PRKN: variants seen among roughly 807,000 people sequenced by gnomAD.
PRKN encodes parkin RBR E3 ubiquitin protein ligase.
In PRKN, 56 loss-of-function variants were observed where a neutral mutation model predicts 59.5. The ratio of observed to expected loss-of-function variants is 0.94; its 90% CI spans 0.76 to 1.18. The LOEUF (loss-of-function observed/expected upper bound fraction) is 1.18, where lower values mean the gene tolerates loss of function less well. PRKN is among the 50% of genes most tolerant of loss of function. The pLI, the probability that PRKN is intolerant of heterozygous loss-of-function variation, is 0.00. For synonymous variants in PRKN, 250 were observed against 222.1 expected (o/e 1.13, Z -1.12); for missense variants, 657 against 596.4 (o/e 1.10, Z -1.06).
At chr6:162,256,830 T>C (rs1408433419) in intron 3 of PRKN, among the ~76,000 whole-genome samples, 1 of 152,172 alleles carries the variant, frequency 6.6e-6, no homozygotes, top group East Asian at 1.9e-4. Context: ...AATCACAATA[T>C]GACCTTGCAG....
chr6:161,382,111 CAAAAAAA>C lies in PRKN; in HGVS notation c.1167+4676_1167+4682del, dbSNP rs59174358. On this transcript the variant is annotated intron_variant, in intron 10 of 11. Transcript: ENST00000366898. ...TGGGTGAAAGAGCGAGACTCCATCTCAAAAAAAAAAAAAAAAAAAAAATCAAAACAAA... is the reference window on the plus strand; with the variant it reads ...TGGGTGAAAGAGCGAGACTCCATCTCAAAAAAAAAAAAAAATCAAAACAAA... Among the ~76,000 whole-genome samples the C allele has an allele frequency of 1.7e-3, 78 of 46,284 alleles. 1 individual carries two copies. The highest frequency in any genetic ancestry group is 4.9e-3 in the African/African-American group (72 of 14,656). 30.4% of individuals were successfully genotyped at this position (46,284 alleles called of 152,430 possible).
intron 1 of PRKN, among the ~76,000 whole-genome samples, chr6:162,505,088 G>A (rs1793550343): frequency 6.6e-6 from 1 of 152,178 alleles, no homozygotes; most frequent in Admixed American, 6.5e-5. Context: ...TAAACTGCCA[G>A]TGGCCACGTA....
intron 7 of PRKN, among the ~76,000 whole-genome samples, chr6:161,715,239 A>G (rs1786924488): frequency 6.6e-6 from 1 of 152,220 alleles, no homozygotes; most frequent in South Asian, 2.1e-4. Context: ...ACAGAACCCA[A>G]TGTAGCAGAT....
Position 161,487,566 on chromosome 6 carries a change from G to T in PRKN, c.1083+61288C>A, listed in dbSNP as rs1344861328. Among the ~76,000 whole-genome samples the T allele has an allele frequency of 6.6e-6, 1 of 152,184 alleles. No individual in the cohort carries two copies. The highest frequency in any genetic ancestry group is 2.4e-5 in the African/African-American group (1 of 41,448). On this transcript the variant is annotated intron_variant, in intron 9 of 11. Transcript: ENST00000366898. The surrounding 1 kb of genome is among the most constrained non-coding windows in gnomAD (Gnocchi z 5.3). ...AGACCATCTTATTCACATTTTGATGGTCGCTTAGGTAAACTAAGATCTATT... is the reference window on the plus strand; with the variant it reads ...AGACCATCTTATTCACATTTTGATGTTCGCTTAGGTAAACTAAGATCTATT...
At chr6:162,621,918 G>T (rs1307224866) in intron 1 of PRKN, among the ~76,000 whole-genome samples, 1 of 152,080 alleles carries the variant, frequency 6.6e-6, no homozygotes, top group Non-Finnish European at 1.5e-5. Flanking sequence ...GGGTTCAATT[G>T]ATTCTCCTGT....
At chr6:161,957,579 C>T (rs1780228733) in intron 6 of PRKN, among the ~76,000 whole-genome samples, 1 of 152,014 alleles carries the variant, frequency 6.6e-6, no homozygotes, top group South Asian at 2.1e-4. Context: ...TGTGCGCCAC[C>T]ACGCTCAGCT....
At chr6:162,658,552 T>C (rs1778745928) in intron 1 of PRKN, among the ~76,000 whole-genome samples, 1 of 149,752 alleles carries the variant, frequency 6.7e-6, no homozygotes, top group Non-Finnish European at 1.5e-5. Flanking sequence ...TCCCAGCTAC[T>C]AGGGAGGCTG....
Position 161,405,726 on chromosome 6 carries a change from T to C in PRKN, c.1084-18849A>G, listed in dbSNP as rs1787239361. Among the ~76,000 whole-genome samples, 1 of 152,112 alleles carries C rather than the reference T, an allele frequency of 6.6e-6. No individual in the cohort carries two copies. ...AGGGAAACTGAGGGTCCATGAGTGC[T>C]CACAGCCAGGCAGGCTCGTGTTCCA... On this transcript the variant is annotated intron_variant, in intron 9 of 11. Coordinates refer to ENST00000366898, the MANE Select transcript of PRKN (RefSeq NM_004562.3). The surrounding 1 kb of genome is among the most constrained non-coding windows in gnomAD (Gnocchi z 5.1).
chr6:162,296,861 C>A (rs1781698285), intron 2 of PRKN, among the ~76,000 whole-genome samples: 1 of 152,106 alleles, frequency 6.6e-6, no homozygotes, highest in Non-Finnish European at 1.5e-5. Context: ...TAGAAAAAAG[C>A]ATCGTTTCCA....
intron 6 of PRKN, among the ~76,000 whole-genome samples, chr6:161,906,671 T>TATATATATATATATATATATATAC (rs1778158834): frequency 8.6e-6 from 1 of 116,672 alleles, no homozygotes. Flanking sequence ...TATATATATA[T>TATATATATATATATATATATATAC]ATATGTATAT....
chr6:162,576,717 C>G (rs1780572272), intron 1 of PRKN, among the ~76,000 whole-genome samples: 1 of 143,698 alleles, frequency 7.0e-6, no homozygotes, highest in African/African-American at 2.6e-5. Flanking sequence ...GAGGCTGAGG[C>G]AGGATAATTA....
At chr6:161,943,108 A>G (rs985655921) in intron 6 of PRKN, among the ~76,000 whole-genome samples, 9 of 152,252 alleles carry the variant, frequency 5.9e-5, no homozygotes, top group African/African-American at 1.9e-4. Context: ...GTCTTAATTT[A>G]GTTTTAAGAT....
intron 4 of PRKN, among the ~76,000 whole-genome samples, chr6:162,179,749 T>C (rs932657193): frequency 1.3e-5 from 2 of 152,132 alleles, no homozygotes; most frequent in African/African-American, 4.8e-5. Context: ...TCCCTAGAGT[T>C]GCCACTGGCT....
In PRKN at chr6:161,552,333, T is replaced by A. The variant is rs187000583; in HGVS notation, c.934-3330A>T. Among the ~76,000 whole-genome samples, 1 of 145,896 alleles carries A rather than the reference T, an allele frequency of 6.9e-6. No homozygotes were observed. Among genetic ancestry groups the A allele is most frequent in the African/African-American group, 2.7e-5 (1 of 36,898 alleles). ...CCTCAGCTCTGTTCACCTCCGCCTA[T>A]GACTGTGAATGATCTCACGGTGATC... On this transcript the variant is annotated intron_variant, in intron 8 of 11. Transcript: ENST00000366898. The surrounding 1 kb of genome is among the most constrained non-coding windows in gnomAD (Gnocchi z 4.9).
chr6:162,351,140 A>G (rs1784607747), intron 2 of PRKN, among the ~76,000 whole-genome samples: 2 of 152,178 alleles, frequency 1.3e-5, no homozygotes, highest in African/African-American at 4.8e-5. Context: ...GCAGTGATCC[A>G]TGATCCTGCC....
chr6:161,900,396 T>C (rs1777843841), intron 6 of PRKN, among the ~76,000 whole-genome samples: 1 of 147,372 alleles, frequency 6.8e-6, no homozygotes, highest in Non-Finnish European at 1.5e-5. Flanking sequence ...TGCCACTGAG[T>C]GTGGGATCAA....
chr6:162,158,998 T>C (rs1374258961), intron 4 of PRKN, among the ~76,000 whole-genome samples: 1 of 151,976 alleles, frequency 6.6e-6, no homozygotes, highest in South Asian at 2.1e-4. Context: ...TTCAGGGCCA[T>C]CCACATAACG....
chr6:162,178,896 G>C lies in PRKN; in HGVS notation c.534+22235C>G, dbSNP rs112596161. 1.7e-3 allele frequency among the ~76,000 whole-genome samples: 252 copies of C among 152,080 alleles called. 1 individual carries two copies. Among genetic ancestry groups the C allele is most frequent in the African/African-American group, 5.9e-3 (246 of 41,468 alleles). On this transcript the variant is annotated intron_variant, in intron 4 of 11. Transcript: ENST00000366898. Reference sequence around the variant, plus strand: ...GTTTGCTTGTTTGTTTTGAGTCAAGGGCTCTCCGTCTGTCACTGAGGCTGA... The same window carrying C: ...GTTTGCTTGTTTGTTTTGAGTCAAGCGCTCTCCGTCTGTCACTGAGGCTGA...
intron 7 of PRKN, among the ~76,000 whole-genome samples, chr6:161,618,004 T>C (rs75340229): frequency 0.012 from 1,798 of 152,362 alleles, 32 homozygotes; most frequent in African/African-American, 0.041. Flanking sequence ...AGAACCAGTG[T>C]ATGGGACACC....
Sources: allele counts gnomAD v4.1 joint callset (sites outside exome capture counted in the v4.1 genomes callset), GRCh38; gene constraint gnomAD v4.1.1; non-coding constraint Gnocchi (gnomAD v3.1); transcripts MANE v1.5; gene names NCBI Gene and HGNC (gene_info 2026-07-23, HGNC 2026-07-21).